Variants in LARP1B observed in about 807,000 individuals in gnomAD.
LARP1B encodes the protein La ribonucleoprotein 1B, also known as la-related protein 1B.
LARP1B carries 76 observed loss-of-function variants against 114.2 expected under a neutral mutation model. The observed-to-expected ratio is 0.67, with a 90% CI of 0.55 to 0.81. LARP1B has a LOEUF of 0.81. Ranked by LOEUF, LARP1B falls within the 30% of genes least tolerant of loss-of-function variation. The pLI is 0.00. For synonymous variants in LARP1B, 345 were observed against 348.0 expected (o/e 0.99, Z 0.10); for missense variants, 1,014 against 1,075.8 (o/e 0.94, Z 0.80).
At chr4:128,102,530 ACT>A (rs1232110119) in intron 8 of LARP1B, among the ~76,000 whole-genome samples, 5 of 151,470 alleles carry the variant, frequency 3.3e-5, no homozygotes, top group African/African-American at 9.7e-5. Flanking sequence ...TTCTTGAAAA[ACT>A]CTCAAGAGAA....
chr4:128,208,738 G>C lies in LARP1B; in HGVS notation c.2548-1118G>C, dbSNP rs1247198155. Among the ~76,000 whole-genome samples the C allele has an allele frequency of 3.3e-5, 5 of 152,170 alleles. No homozygotes were observed. In the East Asian group the frequency reaches 9.6e-4, roughly 29 times the overall value. On this transcript the variant is annotated intron_variant, in intron 19 of 19. Transcript: ENST00000326639. ...GGTAACTGGAAAGGCATAAAAAGCT[G>C]ACTTTTTTTGAATGCAGGATACCTT...
chr4:128,186,080 C>T (rs1242703886), intron 15 of LARP1B, among the ~76,000 whole-genome samples: 1 of 152,060 alleles, frequency 6.6e-6, no homozygotes, highest in Admixed American at 6.6e-5. Flanking sequence ...GTTACTATGG[C>T]TTTGTATTAT....
intron 11 of LARP1B, among the ~76,000 whole-genome samples, chr4:128,134,430 C>A (rs1038255366): frequency 6.6e-6 from 1 of 152,060 alleles, no homozygotes; most frequent in South Asian, 2.1e-4. Context: ...TACCTTATAC[C>A]ATAAATGAAG....
chr4:128,209,370 G>A (rs1309683944), intron 19 of LARP1B, among the ~76,000 whole-genome samples: 3 of 152,132 alleles, frequency 2.0e-5, no homozygotes, highest in South Asian at 2.1e-4. Flanking sequence ...CCAGTGAGCC[G>A]ATGTGGCACC....
intron 12 of LARP1B, among the ~76,000 whole-genome samples, chr4:128,162,701 TC>T (rs2150444075): frequency 6.6e-6 from 1 of 152,254 alleles, no homozygotes; most frequent in South Asian, 2.1e-4. Context: ...CATTGGGAGA[TC>T]CATAAATTGA....
intron 15 of LARP1B, among the ~76,000 whole-genome samples, chr4:128,196,346 C>T (rs1391604537): frequency 6.7e-6 from 1 of 148,530 alleles, no homozygotes; most frequent in Non-Finnish European, 1.5e-5. Flanking sequence ...GGTGAGACCA[C>T]GTCTCTACTA....
intron 9 of LARP1B, among the ~76,000 whole-genome samples, chr4:128,111,291 C>T (rs1784023808): frequency 6.6e-6 from 1 of 152,100 alleles, no homozygotes; most frequent in African/African-American, 2.4e-5. Flanking sequence ...CAGGTGATCA[C>T]CTGTCTCGGC....
chr4:128,083,666 G>C (rs1269066727), intron 5 of LARP1B, among the ~76,000 whole-genome samples: 1 of 92,920 alleles, frequency 1.1e-5, no homozygotes, highest in Non-Finnish European at 2.6e-5. Flanking sequence ...TGGCCAGGTG[G>C]GGGGGCTGAG....
intron 1 of LARP1B, chr4:128,068,869 A>G (rs775528655): frequency 4.9e-6 from 2 of 406,006 alleles, no homozygotes; most frequent in East Asian, 4.6e-5. Context: ...CTCTTCAAGC[A>G]TTATTGCACT....
rs1747574273 is a variant in LARP1B, at chr4:128,179,419, G to C, written c.1910G>C (p.Arg637Thr). Residue 637 changes from arginine to threonine, a missense_variant, in exon 15 of 20, where the codon AGA becomes ACA. Coordinates refer to ENST00000326639, the MANE Select transcript of LARP1B (RefSeq NM_018078.4). ...KAIDVKSPRK[R>T]KTRHSTNPPL... Reference sequence around the variant, plus strand: ...TATTTTCTTTAGAGTCCAAGAAAGAGAAAAACAAGGCATAGCACAAATCCC... The same window carrying C: ...TATTTTCTTTAGAGTCCAAGAAAGACAAAAACAAGGCATAGCACAAATCCC... The C allele has an allele frequency of 1.2e-6, 2 of 1,604,658 alleles. No homozygotes were observed. The highest frequency in any genetic ancestry group is 1.7e-6 in the Non-Finnish European group (2 of 1,176,562).
At chr4:128,196,614 A>G (rs1754230442) in intron 15 of LARP1B, among the ~76,000 whole-genome samples, 1 of 151,098 alleles carries the variant, frequency 6.6e-6, no homozygotes, top group Non-Finnish European at 1.5e-5. Flanking sequence ...TTTTTTTCGG[A>G]CACGGAGTCT....
intron 5 of LARP1B, among the ~76,000 whole-genome samples, chr4:128,088,829 AGTG>A (rs1209489357): frequency 6.7e-6 from 1 of 148,196 alleles, no homozygotes; most frequent in African/African-American, 2.5e-5. Flanking sequence ...GGCTGGACGC[AGTG>A]GTGCACACCT....
chr4:128,180,943 T>C (rs552205996), intron 15 of LARP1B, among the ~76,000 whole-genome samples: 4 of 152,352 alleles, frequency 2.6e-5, no homozygotes, highest in African/African-American at 4.8e-5. Flanking sequence ...TATATAATTA[T>C]GCCAACTTTC....
At chr4:128,094,400 CTT>C (rs776529101) in intron 7 of LARP1B, among the ~76,000 whole-genome samples, 6 of 128,718 alleles carry the variant, frequency 4.7e-5, no homozygotes, top group Non-Finnish European at 3.3e-5. Flanking sequence ...TTTTCTTTTT[CTT>C]TTTTTTTTTT....
At chr4:128,061,750 G>C in intron 1 of LARP1B, 16 of 984,960 alleles carry the variant, frequency 1.6e-5, no homozygotes, top group Non-Finnish European at 1.9e-5. Flanking sequence ...CGCCCGCGGT[G>C]ACTGCTGAGA....
At chr4:128,075,958 T>C (rs1439012607) in intron 3 of LARP1B, among the ~76,000 whole-genome samples, 1 of 152,262 alleles carries the variant, frequency 6.6e-6, no homozygotes, top group Non-Finnish European at 1.5e-5. Flanking sequence ...GCTATCCTTT[T>C]GATAGTTTAC....
At chr4:128,197,205 T>C (rs551371791) in intron 15 of LARP1B, among the ~76,000 whole-genome samples, 21 of 152,302 alleles carry the variant, frequency 1.4e-4, no homozygotes, top group Non-Finnish European at 2.8e-4. Flanking sequence ...TATATTATGT[T>C]AGGTATATTT....
intron 11 of LARP1B, chr4:128,155,611 C>A: frequency 8.9e-7 from 1 of 1,123,094 alleles, no homozygotes; most frequent in Non-Finnish European, 1.4e-6. Flanking sequence ...TTAGTCCAGC[C>A]CCCTACAACC....
chr4:128,162,375 T>C (rs1473589498), intron 12 of LARP1B, 58 bp downstream of exon 12: 5 of 1,422,382 alleles, frequency 3.5e-6, no homozygotes, highest in Admixed American at 4.6e-5. Flanking sequence ...TTCTGAATTG[T>C]TTTTAAAAAT....
Sources: gnomAD v4.1 joint callset for allele counts (sites outside exome capture counted in the v4.1 genomes callset) on GRCh38, gnomAD v4.1.1 for gene constraint, MANE v1.5 for transcripts, NCBI Gene and HGNC (gene_info 2026-07-23, HGNC 2026-07-21) for gene names.